CDC45: variants seen among roughly 807,000 people sequenced by gnomAD.
CDC45 encodes the protein cell division control protein 45 homolog.
CDC45 carries 54 observed loss-of-function variants against 77.8 expected under a neutral mutation model. That is an observed-to-expected ratio of 0.69 (90% CI 0.56 to 0.87). The LOEUF (loss-of-function observed/expected upper bound fraction) is 0.87, where lower values mean the gene tolerates loss of function less well. Among genes scored for constraint, CDC45 ranks in the 40% least tolerant of loss-of-function variants. The pLI is 0.00. For missense variants in CDC45, 649 were observed against 721.6 expected (o/e 0.90, Z 1.15); for synonymous variants, 260 against 272.1 (o/e 0.96, Z 0.44).
intron 4 of CDC45, 143 bp downstream of exon 4, chr22:19,482,970 C>CT (rs764932252): frequency 0.12 from 64,412 of 517,292 alleles, 353 homozygotes; most frequent in African/African-American, 0.15. Flanking sequence ...TCTTTGTCAT[C>CT]TTTTTTTTTT....
chr22:19,504,179 A>C (rs1195088012), intron 9 of CDC45, among the ~76,000 whole-genome samples: 2 of 152,252 alleles, frequency 1.3e-5, no homozygotes, highest in Non-Finnish European at 2.9e-5. Flanking sequence ...TGTTACACTG[A>C]GACAGCAGAG....
chr22:19,488,721 T>A (rs1212059472), intron 5 of CDC45, among the ~76,000 whole-genome samples: 1 of 152,198 alleles, frequency 6.6e-6, no homozygotes, highest in Non-Finnish European at 1.5e-5. Flanking sequence ...TGTATAAAGA[T>A]GCAACCACCA....
chr22:19,507,310 T>G (rs1277621489), intron 10 of CDC45, 76 bp from the exon 11 acceptor site: 1 of 1,548,832 alleles, frequency 6.5e-7, no homozygotes, highest in East Asian at 2.3e-5. Context: ...GCCATCAGAG[T>G]GGCCCACCTG....
chr22:19,508,600 G>T lies in CDC45; in HGVS notation c.1126G>T (p.Val376Leu). 2.5e-6 allele frequency: 4 copies of T among 1,614,194 alleles called. No individual in the cohort carries two copies. The highest frequency in any genetic ancestry group is 1.1e-5 in the South Asian group (1 of 91,090). Residue 376 changes from valine to leucine, a missense_variant, in exon 13 of 19, where the codon GTG (valine) becomes TTG (leucine). Transcript: ENST00000263201. ...CAAGCACAAGTTTCTGGCCAGCGAC[G>T]TGGTCTTTGCCACCATGTCTTTGAT... ...GFKHKFLASD[V>L]VFATMSLMES...
At chr22:19,507,677 A>G (rs1933275616) in intron 11 of CDC45, 89 bp from the exon 12 acceptor site, 3 of 1,341,384 alleles carry the variant, frequency 2.2e-6, no homozygotes, top group Middle Eastern at 3.7e-4. Flanking sequence ...TGGTGCGGGG[A>G]CATCCTCGCT....
intron 13 of CDC45, among the ~76,000 whole-genome samples, chr22:19,511,722 G>T (rs1933523803): frequency 6.6e-6 from 1 of 152,022 alleles, no homozygotes. Context: ...TTTCACTTTG[G>T]CAGTGTCCTG....
At chr22:19,488,844 T>C (rs530315709) in intron 5 of CDC45, among the ~76,000 whole-genome samples, 1 of 152,310 alleles carries the variant, frequency 6.6e-6, no homozygotes, top group South Asian at 2.1e-4. Flanking sequence ...TCACATGTAG[T>C]TGTAAGAAGT....
rs149459036 is a variant in CDC45 at position 19,483,884 on chromosome 22, A to T, written c.365A>T (p.Asp122Val). Residue 122 changes from aspartate (D) to valine (V), a missense_variant, in exon 5 of 19, where the codon GAT becomes GTT. Physicochemically the swap from Asp to Val is radical, Grantham distance 152. Coordinates refer to ENST00000263201, the MANE Select transcript of CDC45 (RefSeq NM_003504.5). ...TAGATCAAATTACTCATTAAACAAG[A>T]TGATGACCTTGAAGTTCCCGCCTAT... ...DTQIKLLIKQDDDLEVPAYED... is the reference protein window; with the variant it reads ...DTQIKLLIKQVDDLEVPAYED... 6.2e-7 allele frequency: 1 copy of T among 1,612,510 alleles called. No individual in the cohort carries two copies. The highest frequency in any genetic ancestry group is 2.2e-5 in the East Asian group (1 of 44,880).
At chr22:19,484,271 T>G (rs140757121) in intron 5 of CDC45, among the ~76,000 whole-genome samples, 1 of 152,200 alleles carries the variant, frequency 6.6e-6, no homozygotes, top group East Asian at 1.9e-4. Flanking sequence ...TGCGGCTAGA[T>G]AGCAAAAAAA....
chr22:19,480,493 G>A (rs1315257611), intron 2 of CDC45, among the ~76,000 whole-genome samples: 1 of 152,134 alleles, frequency 6.6e-6, no homozygotes, highest in Non-Finnish European at 1.5e-5. Flanking sequence ...GGTGAACACA[G>A]CAGTTGCATT....
Position 19,482,600 on chromosome 22 carries a change from G to A in CDC45, c.205-90G>A, listed in dbSNP as rs2090000475. On this transcript the variant is annotated intron_variant, in intron 3 of 18. Coordinates refer to ENST00000263201, the MANE Select transcript of CDC45 (RefSeq NM_003504.5). ...CCTCGCCACATGTCAGGGACTGAGTGAGTTTAAGCAGAACAACTCAGAGGC... is the reference window on the plus strand; with the variant it reads ...CCTCGCCACATGTCAGGGACTGAGTAAGTTTAAGCAGAACAACTCAGAGGC... 2.2e-6 allele frequency: 3 copies of A among 1,389,992 alleles called. No individual in the cohort carries two copies. In the South Asian group the frequency reaches 4.0e-5, roughly 18 times the overall value. The allele number at this position is 1,389,992 out of a possible 1,614,324, so 86.1% of individuals were successfully genotyped here.
chr22:19,503,933 T>G (rs1396938048), intron 9 of CDC45, among the ~76,000 whole-genome samples: 2 of 152,266 alleles, frequency 1.3e-5, no homozygotes, highest in Admixed American at 6.5e-5. Context: ...GAGCAGTCTA[T>G]GCACCAAAGG....
At chr22:19,512,233 AG>A (rs1933557688) in intron 13 of CDC45, among the ~76,000 whole-genome samples, 1 of 152,144 alleles carries the variant, frequency 6.6e-6, no homozygotes, top group South Asian at 2.1e-4. Flanking sequence ...CACTCCAGGG[AG>A]GCTCCTTAAA....
At chr22:19,503,487 C>G (rs1932981175) in intron 9 of CDC45, among the ~76,000 whole-genome samples, 1 of 152,162 alleles carries the variant, frequency 6.6e-6, no homozygotes, top group Non-Finnish European at 1.5e-5. Context: ...TACCTCCAAC[C>G]AGGAGTTCAG....
At chr22:19,499,046 C>A in intron 8 of CDC45, 55 bp from the exon 9 acceptor site, 1 of 1,564,854 alleles carries the variant, frequency 6.4e-7, no homozygotes, top group Non-Finnish European at 8.8e-7. Context: ...ATCCCCCAGG[C>A]CTCATTGAGC....
At chr22:19,516,296 A>G in intron 15 of CDC45, 3 of 556,028 alleles carry the variant, frequency 5.4e-6, no homozygotes, top group South Asian at 2.0e-5. Flanking sequence ...CCACAGTACC[A>G]TGCTGTGGGT....
In CDC45 at chr22:19,516,554, C is replaced by T. The variant is rs756156022; in HGVS notation, c.1468C>T (p.Pro490Ser). Residue 490 changes from proline to serine, a missense_variant, in exon 16 of 19, where the codon CCC (proline) becomes TCC (serine). Coordinates refer to ENST00000263201, the MANE Select transcript of CDC45 (RefSeq NM_003504.5). ...AAAGAACCGGCGCTGCAAACTGCTGCCCCTGGTGATGGCTGCCCCCCTGAG... is the reference window on the plus strand; with the variant it reads ...AAAGAACCGGCGCTGCAAACTGCTGTCCCTGGTGATGGCTGCCCCCCTGAG... The part of the protein sequence containing the change: ...STKNRRCKLL[P>S]LVMAAPLSME... 39 of 1,613,896 alleles carry T rather than the reference C, an allele frequency of 2.4e-5. No homozygotes were observed. The highest frequency in any genetic ancestry group is 3.3e-5 in the Non-Finnish European group (39 of 1,179,952).
chr22:19,515,621 C>T (rs1933744652), intron 15 of CDC45, among the ~76,000 whole-genome samples: 1 of 152,202 alleles, frequency 6.6e-6, no homozygotes, highest in Non-Finnish European at 1.5e-5. Flanking sequence ...GGAAGTTGAA[C>T]TTTTCTTTTG....
At chr22:19,496,180 T>C in intron 7 of CDC45, 151 bp downstream of exon 7, 1 of 634,068 alleles carries the variant, frequency 1.6e-6, no homozygotes. Context: ...TGGGCAGGTG[T>C]TGCAAGCTCT....
Sources: gnomAD v4.1 joint callset for allele counts (sites outside exome capture counted in the v4.1 genomes callset) on GRCh38, gnomAD v4.1.1 for gene constraint, MANE v1.5 for transcripts, NCBI Gene and HGNC (gene_info 2026-07-23, HGNC 2026-07-21) for gene names.